STARD9: variants seen among roughly 807,000 people sequenced by gnomAD.
The protein encoded by STARD9 is StAR related lipid transfer domain containing 9, also known as stAR-related lipid transfer protein 9.
Under a neutral mutation model 399.8 loss-of-function variants are expected in STARD9, and 346 were observed. That is an observed-to-expected ratio of 0.87 (90% CI 0.79 to 0.95). The LOEUF (loss-of-function observed/expected upper bound fraction) is 0.95, where lower values mean the gene tolerates loss of function less well. STARD9 is among the 40% of genes least tolerant of loss of function. The probability of loss-of-function intolerance (pLI) is 0.00; values close to 1 mark genes in which losing one functional copy is unlikely to be tolerated. For missense variants in STARD9, 5,832 were observed against 5,667.5 expected (o/e 1.03, Z -0.93); for synonymous variants, 2,203 against 2,143.5 (o/e 1.03, Z -0.77).
At chr15:42,624,798 C>T (rs2059165642) in intron 3 of STARD9, among the ~76,000 whole-genome samples, 1 of 152,078 alleles carries the variant, frequency 6.6e-6, no homozygotes. Flanking sequence ...ATTCACCTGC[C>T]CTGGCCTCCC....
intron 1 of STARD9, among the ~76,000 whole-genome samples, 169 bp from the exon 2 acceptor site, chr15:42,583,177 G>A (rs1383069625): frequency 2.6e-5 from 4 of 152,214 alleles, no homozygotes; most frequent in Non-Finnish European, 5.9e-5. Context: ...AGGGAAGCAT[G>A]CCAGCTAGGG....
chr15:42,596,887 C>G (rs541204716), intron 3 of STARD9, among the ~76,000 whole-genome samples: 4 of 152,104 alleles, frequency 2.6e-5, no homozygotes, highest in African/African-American at 9.7e-5. Flanking sequence ...ACTAGAAAAG[C>G]CTTCCCTTTC....
chr15:42,695,823 C>T lies in STARD9; in HGVS notation c.13227C>T (p.Thr4409=), dbSNP rs1371341422. The change falls in exon 26 of 33, where the codon ACC becomes ACT. Residue 4409 remains threonine, a synonymous_variant. Coordinates refer to ENST00000290607, the MANE Select transcript of STARD9 (RefSeq NM_020759.3). ...ATGGAAGCCTCTCGTCTGGCATGAC[C>T]TCTGGCTATAATAGCAGCCCAGCCT... ...SSNGSLSSGM[T]SGYNSSPALS... The T allele has an allele frequency of 1.3e-6, 2 of 1,537,276 alleles. No individual in the cohort carries two copies. Among genetic ancestry groups the T allele is most frequent in the Non-Finnish European group, 1.7e-6 (2 of 1,146,902 alleles).
At chr15:42,718,313 C>CA in intron 30 of STARD9, 122 bp from the exon 31 acceptor site, 1 of 1,220,966 alleles carries the variant, frequency 8.2e-7, no homozygotes, top group Non-Finnish European at 1.2e-6. Context: ...CTTGATTGCT[C>CA]AGCCTAGGTT....
Position 42,684,349 on chromosome 15 carries a change from T to C in STARD9, c.2771T>C (p.Met924Thr), listed in dbSNP as rs2060499361. 1 of 1,536,458 alleles carries C rather than the reference T, an allele frequency of 6.5e-7. No individual in the cohort carries two copies. Residue 924 changes from methionine (M) to threonine (T), a missense_variant, in exon 23 of 33, where the codon ATG (methionine) becomes ACG (threonine). Physicochemically the swap from Met to Thr is moderately conservative, Grantham distance 81. This residue lies in a region of STARD9 where 5,828 missense variants were observed against 5,651.1 expected (regional missense o/e 1.03). Coordinates refer to ENST00000290607, the MANE Select transcript of STARD9 (RefSeq NM_020759.3). ...GASAPDACLT[M>T]SPNSVGIQEM... ...TCAGCTCCAGACGCTTGCCTCACCA[T>C]GAGTCCCAACTCTGTTGGCATCCAG...
At position 42,684,353 on chromosome 15, in the gene STARD9, T is replaced by TC. The variant is rs2060499475; in HGVS notation, c.2778dup (p.Asn927GlnfsTer13). Reference sequence around the variant, plus strand: ...CTCCAGACGCTTGCCTCACCATGAGTCCCAACTCTGTTGGCATCCAGGAAA... The same window carrying TC: ...CTCCAGACGCTTGCCTCACCATGAGTCCCCAACTCTGTTGGCATCCAGGAAA... On this transcript the variant is annotated frameshift_variant, in exon 23 of 33. Coordinates refer to ENST00000290607, the MANE Select transcript of STARD9 (RefSeq NM_020759.3). LOFTEE classifies it high-confidence loss of function. 2 of 1,536,820 alleles carry TC rather than the reference T, an allele frequency of 1.3e-6. No homozygotes were observed. The highest frequency in any genetic ancestry group is 1.7e-6 in the Non-Finnish European group (2 of 1,146,738).
chr15:42,706,070 A>C (rs80201836), intron 26 of STARD9, among the ~76,000 whole-genome samples: 93 of 152,152 alleles, frequency 6.1e-4, no homozygotes, highest in African/African-American at 2.2e-3. Context: ...TATTTTTTAT[A>C]TGAAATTTAG....
At position 42,688,129 on chromosome 15, in the gene STARD9, T is replaced by G; in HGVS notation, c.6551T>G (p.Leu2184Ter). The change falls in exon 23 of 33, where the codon TTA (leucine) becomes TGA (stop). Residue 2184 changes from leucine to a stop codon, truncating the protein, a stop_gained. Coordinates refer to ENST00000290607, the MANE Select transcript of STARD9 (RefSeq NM_020759.3). LOFTEE classifies it high-confidence loss of function. The stretch of plus-strand genomic sequence containing the variant: ...CCTGCCAGGGATATTTGTGATTCTT[T>G]AGGGAAACACACAACTTGCAGAGAG... ...DRPARDICDS[L>*]GKHTTCREFT... 1 of 1,537,332 alleles carries G rather than the reference T, an allele frequency of 6.5e-7. No homozygotes were observed. Among genetic ancestry groups the G allele is most frequent in the Non-Finnish European group, 8.7e-7 (1 of 1,146,946 alleles).
rs1370903436 is a variant in STARD9 at position 42,588,877 on chromosome 15, C to T, written c.234+3240C>T. On this transcript the variant is annotated intron_variant, in intron 3 of 32. Transcript: ENST00000290607. ...TCACCCAGGCTGGAGTACAGTGGCT[C>T]AATCTTGGCTCGCTGCAACCTCCGC... Among the ~76,000 whole-genome samples the T allele has an allele frequency of 3.5e-5, 5 of 141,590 alleles. No individual in the cohort carries two copies. In the Admixed American group the frequency reaches 3.7e-4, roughly 11 times the overall value. The allele number at this position is 141,590 out of a possible 152,430, so 92.9% of individuals were successfully genotyped here.
rs535234147 is a variant in STARD9 at position 42,648,080 on chromosome 15, T to G, written c.560-2936T>G. Among the ~76,000 whole-genome samples the G allele has an allele frequency of 5.9e-5, 9 of 152,318 alleles. No homozygotes were observed. In the South Asian group the frequency reaches 1.2e-3, roughly 21 times the overall value. ...CTTAATTTTTAAAGAATATCCTACC[T>G]TTTATCTCTGAGTGCCTTCTACTTC... On this transcript the variant is annotated intron_variant, in intron 7 of 32. Transcript: ENST00000290607.
At chr15:42,669,620 C>T (rs972816606) in intron 16 of STARD9, 6 of 288,974 alleles carry the variant, frequency 2.1e-5, no homozygotes, top group African/African-American at 1.0e-4. Context: ...TTAATTTCCT[C>T]ATTTTAAAGT....
chr15:42,682,805 C>G (rs1205511246), intron 22 of STARD9, among the ~76,000 whole-genome samples: 1 of 152,128 alleles, frequency 6.6e-6, no homozygotes, highest in African/African-American at 2.4e-5. Flanking sequence ...AGTAGCAATT[C>G]TTGCTTCTTT....
rs1412852673 is a variant in STARD9, at chr15:42,691,210, A to G, written c.9632A>G (p.Glu3211Gly). 6.5e-7 allele frequency: 1 copy of G among 1,537,122 alleles called. No individual in the cohort carries two copies. The highest frequency in any genetic ancestry group is 2.0e-5 in the Admixed American group (1 of 50,978). Reference sequence around the variant, plus strand: ...CCCCAGGAAGACAGTCCCTGGCAGGAAGAAGAGCAGCACAGAGACCAGGCT... The same window carrying G: ...CCCCAGGAAGACAGTCCCTGGCAGGGAGAAGAGCAGCACAGAGACCAGGCT... ...CSPQEDSPWQ[E>G]EEQHRDQASG... is the part of the protein sequence containing the mutation. Residue 3211 changes from glutamate (E) to glycine (G), a missense_variant, in exon 23 of 33, where the codon GAA (glutamate) becomes GGA (glycine). Glu to Gly is a moderately conservative substitution (Grantham distance 98). Around this residue, in one of 2 missense-constraint regions of STARD9, gnomAD observed 5,828 missense variants for 5,651.1 expected, o/e 1.03. Coordinates refer to ENST00000290607, the MANE Select transcript of STARD9 (RefSeq NM_020759.3).
chr15:42,665,511 G>A (rs1311550323), intron 14 of STARD9, among the ~76,000 whole-genome samples, 181 bp downstream of exon 14: 1 of 152,182 alleles, frequency 6.6e-6, no homozygotes, highest in Non-Finnish European at 1.5e-5. Context: ...TTCAGATGGT[G>A]TGGGCATTTT....
rs1225857543 is a variant in STARD9, at chr15:42,575,640, C to T, written c.-76C>T. The T allele has an allele frequency of 1.4e-6, 2 of 1,477,928 alleles. No homozygotes were observed. Among genetic ancestry groups the T allele is most frequent in the East Asian group, 2.5e-5 (1 of 40,424 alleles). 91.6% of individuals were successfully genotyped at this position (1,477,928 alleles called of 1,614,324 possible). On this transcript the variant is annotated 5_prime_UTR_variant, in exon 1 of 33. Transcript: ENST00000290607. ...TGGGGCGGGCGGGGCTGGGTTGGGG[C>T]TGTGTCTGGGCTTAGGGCGGGGGCC...
At chr15:42,593,841 T>G (rs947000192) in intron 3 of STARD9, among the ~76,000 whole-genome samples, 1 of 151,664 alleles carries the variant, frequency 6.6e-6, no homozygotes, top group African/African-American at 2.4e-5. Context: ...CTTTTTTTTT[T>G]GTATTTTTAG....
chr15:42,688,588 T>C lies in STARD9; in HGVS notation c.7010T>C (p.Leu2337Ser). 1.3e-6 allele frequency: 2 copies of C among 1,537,652 alleles called. No homozygotes were observed. The highest frequency in any genetic ancestry group is 1.7e-6 in the Non-Finnish European group (2 of 1,147,024). Residue 2337 changes from leucine to serine, a missense_variant, in exon 23 of 33, where the codon TTG (leucine) becomes TCG (serine). Leu to Ser is a moderately radical substitution (Grantham distance 145). Coordinates refer to ENST00000290607, the MANE Select transcript of STARD9 (RefSeq NM_020759.3). ...LHQDLSNTLP[L>S]NSPRWPRRCL... ...CAAGACCTGAGTAATACCTTGCCCT[T>C]GAATTCTCCAAGGTGGCCAAGAAGG...
chr15:42,693,081 C>T lies in STARD9; in HGVS notation c.11503C>T (p.Pro3835Ser), dbSNP rs1159262517. The T allele has an allele frequency of 7.2e-6, 11 of 1,537,130 alleles. No homozygotes were observed. Among genetic ancestry groups the T allele is most frequent in the Non-Finnish European group, 9.6e-6 (11 of 1,146,886 alleles). ...PVGQHLPSVSPSVSDAFLPPS... is the reference protein window; with the variant it reads ...PVGQHLPSVSSSVSDAFLPPS... ...TGGGCAGCATCTTCCTTCTGTGAGC[C>T]CCTCAGTTTCTGATGCTTTCCTGCC... The change falls in exon 23 of 33, where the codon CCC (proline) becomes TCC (serine). Residue 3835 changes from proline (P) to serine (S), a missense_variant. Transcript: ENST00000290607.
At chr15:42,669,671 G>A (rs992890473) in intron 16 of STARD9, 2 of 210,968 alleles carry the variant, frequency 9.5e-6, no homozygotes, top group East Asian at 1.9e-4. Context: ...GCTTAGTGAA[G>A]CATAGGGGTA....
Sources: gnomAD v4.1 joint callset for allele counts (sites outside exome capture counted in the v4.1 genomes callset) on GRCh38, gnomAD v4.1.1 for gene constraint, gnomAD v4.1.1 regional missense constraint, MANE v1.5 for transcripts, NCBI Gene and HGNC (gene_info 2026-07-23, HGNC 2026-07-21) for gene names.